Variants in LTBP4 observed in about 807,000 individuals in gnomAD.
LTBP4 encodes latent-transforming growth factor beta-binding protein 4.
LTBP4 carries 93 observed loss-of-function variants against 180.2 expected under a neutral mutation model. The observed-to-expected ratio is 0.52, with a 90% confidence interval of 0.44 to 0.61. The LOEUF (loss-of-function observed/expected upper bound fraction) is 0.61. Among genes scored for constraint, LTBP4 ranks in the 20% least tolerant of loss-of-function variants. The pLI, the probability that LTBP4 is intolerant of heterozygous loss-of-function variation, is 0.00. For missense variants in LTBP4, 2,116 were observed against 2,256.5 expected, an observed-to-expected ratio of 0.94 and a Z score of 1.26; for synonymous variants, 947 against 934.5, an observed-to-expected ratio of 1.01 and a Z score of -0.24.
chr19:40,619,269 G>C lies in LTBP4; in HGVS notation c.3071-78G>C. 3 of 1,441,942 alleles carry C rather than the reference G, an allele frequency of 2.1e-6. No homozygotes were observed. The South Asian group carries it at 3.7e-5, about 18-fold the overall frequency. The allele number at this position is 1,441,942 out of a possible 1,614,324, so 89.3% of individuals were successfully genotyped here. On this transcript the variant is annotated intron_variant, in intron 21 of 29. Coordinates refer to ENST00000396819, the MANE Select transcript of LTBP4 (RefSeq NM_001042545.2). ...TTAAATATACACATTATATTTGAAA[G>C]CTGAGACTTTCGGACCTTTGGAATC...
In LTBP4 at chr19:40,601,425, T is replaced by C. The variant is rs774538710; in HGVS notation, c.38T>C (p.Leu13Ser). 220 of 1,443,724 alleles carry C rather than the reference T, an allele frequency of 1.5e-4. 1 individual carries two copies. Among genetic ancestry groups the C allele is most frequent in the Middle Eastern group, 6.6e-4 (3 of 4,518 alleles). The allele number at this position is 1,443,724 out of a possible 1,614,324, so 89.4% of individuals were successfully genotyped here. ...GGVRLLWVSL[L>S]VLLAQLGPQP... Reference sequence around the variant, plus strand: ...GTGCGGCTGCTCTGGGTGTCGCTATTGGTGCTGCTGGCGCAGCTAGGGCCG... The same window carrying C: ...GTGCGGCTGCTCTGGGTGTCGCTATCGGTGCTGCTGGCGCAGCTAGGGCCG... The change falls in exon 1 of 30, where the codon TTG becomes TCG. Residue 13 changes from leucine to serine, a missense_variant. Leu to Ser is a moderately radical substitution (Grantham distance 145). Around this residue, in one of 5 missense-constraint regions of LTBP4, gnomAD observed 469 missense variants for 532.5 expected, o/e 0.88. Transcript: ENST00000396819.
At chr19:40,602,850 G>T (rs960458497) in intron 1 of LTBP4, among the ~76,000 whole-genome samples, 1 of 152,198 alleles carries the variant, frequency 6.6e-6, no homozygotes, top group Non-Finnish European at 1.5e-5. Flanking sequence ...AGAAGGCAGA[G>T]AAATGCCTCT....
In LTBP4 at chr19:40,605,004, G is replaced by A; in HGVS notation, c.251-31G>A. ...CCAGGAGAACCTGCCAGGAATGGTGGCGCCCCTGAGTGTCCTCGTTCTCCT... is the reference window on the plus strand; with the variant it reads ...CCAGGAGAACCTGCCAGGAATGGTGACGCCCCTGAGTGTCCTCGTTCTCCT... On this transcript the variant is annotated intron_variant, in intron 1 of 29. Coordinates refer to ENST00000396819, the MANE Select transcript of LTBP4 (RefSeq NM_001042545.2). The surrounding 1 kb of genome is among the most constrained non-coding windows in gnomAD (Gnocchi z 5.5). The A allele has an allele frequency of 6.3e-7, 1 of 1,584,162 alleles. No homozygotes were observed. The highest frequency in any genetic ancestry group is 8.6e-7 in the Non-Finnish European group (1 of 1,159,962).
Position 40,605,189 on chromosome 19 carries a change from C to T in LTBP4, c.405C>T (p.Tyr135=), listed in dbSNP as rs199958267. Reference sequence around the variant, plus strand: ...TACCAGGCCTCACCCGCTCCGTGTACACTATGCCACTGGCCAACCACCGCG... The same window carrying T: ...TACCAGGCCTCACCCGCTCCGTGTATACTATGCCACTGGCCAACCACCGCG... ...PAVPGLTRSV[Y]TMPLANHRDD... The change falls in exon 2 of 30, where the codon TAC becomes TAT. Residue 135 remains tyrosine, a synonymous_variant. Coordinates refer to ENST00000396819, the MANE Select transcript of LTBP4 (RefSeq NM_001042545.2). This position sits in a 1 kb window ranked among gnomAD's most constrained non-coding sequence, Gnocchi z 5.5. The T allele has an allele frequency of 1.2e-4, 194 of 1,606,208 alleles. No homozygotes were observed. The highest frequency in any genetic ancestry group is 1.5e-4 in the Non-Finnish European group (181 of 1,176,666).
At position 40,608,121 on chromosome 19, in the gene LTBP4, C is replaced by T. The variant is rs76300071; in HGVS notation, c.1157-99C>T. The stretch of plus-strand genomic sequence containing the variant: ...CTCCAGCTCAAACCCCTGACACTCT[C>T]CAGCCAAGCCCTGCCCCTAGCCAAG... On this transcript the variant is annotated intron_variant, in intron 7 of 29. Coordinates refer to ENST00000396819, the MANE Select transcript of LTBP4 (RefSeq NM_001042545.2). The T allele has an allele frequency of 7.3e-4, 996 of 1,356,224 alleles. 14 individuals are homozygous for T. The East Asian group carries it at 0.021, about 29-fold the overall frequency. 84.0% of individuals were successfully genotyped at this position (1,356,224 alleles called of 1,614,324 possible). A position where few individuals can be genotyped will look rare whatever the true frequency, so the allele number is the denominator to read the frequency against.
intron 21 of LTBP4, 56 bp downstream of exon 21, chr19:40,617,281 C>A: frequency 6.4e-7 from 1 of 1,570,396 alleles, no homozygotes; most frequent in East Asian, 2.3e-5. Context: ...GTTGGTCAGG[C>A]CCTGTCCCTC....
In LTBP4 at chr19:40,622,852, C is replaced by A; in HGVS notation, c.3485-98C>A. On this transcript the variant is annotated intron_variant, in intron 23 of 29. Coordinates refer to ENST00000396819, the MANE Select transcript of LTBP4 (RefSeq NM_001042545.2). This position sits in a 1 kb window ranked among gnomAD's most constrained non-coding sequence, Gnocchi z 5.1. ...AGGCTGAGAGGTGGGCACTAACAGG[C>A]ACAGGGCCAGAGGGACTTTTGTGAC... 7.1e-7 allele frequency: 1 copy of A among 1,417,378 alleles called. No individual in the cohort carries two copies. The highest frequency in any genetic ancestry group is 9.6e-7 in the Non-Finnish European group (1 of 1,036,328). 87.8% of individuals were successfully genotyped at this position (1,417,378 alleles called of 1,614,324 possible).
chr19:40,623,908 G>C, intron 25 of LTBP4, 28 bp from the exon 26 acceptor site: 2 of 1,612,650 alleles, frequency 1.2e-6, no homozygotes. Context: ...GAGTTGAAGG[G>C]GATGCCTCTT....
rs1176975148 is a variant in LTBP4 at position 40,608,194 on chromosome 19, T to C, written c.1157-26T>C. 3 of 1,613,336 alleles carry C rather than the reference T, an allele frequency of 1.9e-6. No homozygotes were observed. The East Asian group carries it at 6.7e-5, about 36-fold the overall frequency. On this transcript the variant is annotated intron_variant, in intron 7 of 29. Coordinates refer to ENST00000396819, the MANE Select transcript of LTBP4 (RefSeq NM_001042545.2). ...GTTTTCTTCCCGCTCTCTTGTCCTC[T>C]CTCTGTCTCTCTTACCTATTCCCAG...
intron 1 of LTBP4, among the ~76,000 whole-genome samples, chr19:40,604,549 T>C (rs566967993): frequency 4.0e-5 from 6 of 151,824 alleles, no homozygotes; most frequent in Non-Finnish European, 2.9e-5. Context: ...GACATGAAAG[T>C]GAATAAACAG....
chr19:40,613,079 A>T lies in LTBP4; in HGVS notation c.2314A>T (p.Ser772Cys). The change falls in exon 16 of 30, where the codon AGT becomes TGT. Residue 772 changes from serine to cysteine, a missense_variant. Physicochemically the swap from Ser to Cys is moderately radical, Grantham distance 112. Coordinates refer to ENST00000396819, the MANE Select transcript of LTBP4 (RefSeq NM_001042545.2). The surrounding 1 kb of genome is among the most constrained non-coding windows in gnomAD (Gnocchi z 5.0). ...ACCCCCCACAGATGTGGACGAATGC[A>T]GTTCGGGTGCCCCTCCCTGTGGTCC... ...RGRCTDVDEC[S>C]SGAPPCGPHG... 2 of 1,611,970 alleles carry T rather than the reference A, an allele frequency of 1.2e-6. No homozygotes were observed. Among genetic ancestry groups the T allele is most frequent in the Non-Finnish European group, 1.7e-6 (2 of 1,179,094 alleles).
At chr19:40,604,416 C>T (rs1337042803) in intron 1 of LTBP4, among the ~76,000 whole-genome samples, 1 of 152,006 alleles carries the variant, frequency 6.6e-6, no homozygotes, top group African/African-American at 2.4e-5. Flanking sequence ...AAGGGATCAG[C>T]ATTGGGTCGG....
chr19:40,627,115 C>T lies in LTBP4; in HGVS notation c.4126C>T (p.Pro1376Ser). 1 of 1,613,954 alleles carries T rather than the reference C, an allele frequency of 6.2e-7. No individual in the cohort carries two copies. The highest frequency in any genetic ancestry group is 8.5e-7 in the Non-Finnish European group (1 of 1,179,876). Residue 1376 changes from proline (P) to serine (S), a missense_variant, in exon 28 of 30, where the codon CCA (proline) becomes TCA (serine). Physicochemically the swap from Pro to Ser is moderately conservative, Grantham distance 74 (BLOSUM62 -1). Coordinates refer to ENST00000396819, the MANE Select transcript of LTBP4 (RefSeq NM_001042545.2). ...CCTCCCATATGGGCCTGAGTTGTACCCACCACCTGCGCTACCCTACGACCC... is the reference window on the plus strand; with the variant it reads ...CCTCCCATATGGGCCTGAGTTGTACTCACCACCTGCGCTACCCTACGACCC... Reference protein sequence around the residue: ...QGLPYGPELYPPPALPYDPYP... With the variant: ...QGLPYGPELYSPPALPYDPYP...
At chr19:40,617,256 A>T (rs777253335) in intron 21 of LTBP4, 31 bp downstream of exon 21, 2 of 1,601,616 alleles carry the variant, frequency 1.2e-6, no homozygotes, top group African/African-American at 2.7e-5. Context: ...GATGGGACCA[A>T]AGGGGGTGGG....
At chr19:40,599,333 C>A (rs77180841), upstream of LTBP4, 11,912 of 1,610,810 alleles carry the variant, frequency 7.4e-3, 67 homozygotes, top group Admixed American at 9.4e-3. Context: ...CCCATCCCTC[C>A]CCTCATCCCA....
chr19:40,599,842 A>C (rs1000194183), upstream of LTBP4: 14 of 543,398 alleles, frequency 2.6e-5, no homozygotes, highest in African/African-American at 7.7e-5. Flanking sequence ...TCTATGTCTA[A>C]GTCTCTCTGC....
chr19:40,607,507 G>A lies in LTBP4; in HGVS notation c.1134G>A (p.Gln378=), dbSNP rs777812912. The A allele has an allele frequency of 6.8e-6, 11 of 1,611,528 alleles. No individual in the cohort carries two copies. The highest frequency in any genetic ancestry group is 6.7e-5 in the African/African-American group (5 of 74,932). The change falls in exon 7 of 30, where the codon CAG becomes CAA. Residue 378 remains glutamine, a synonymous_variant. Transcript: ENST00000396819. ...GCAAGGCCTGGGGCCGGGGCTGCCA[G>A]CTCTGCCCACCCTTCGGCTCAGGTG... ...RVGKAWGRGC[Q]LCPPFGSEGF... is the part of the protein sequence containing the mutation.
At position 40,629,247 on chromosome 19, in the gene LTBP4, G is replaced by T. The variant is rs2081659287; in HGVS notation, c.4520-149G>T. The T allele has an allele frequency of 5.3e-6, 5 of 952,294 alleles. No homozygotes were observed. Among genetic ancestry groups the T allele is most frequent in the Non-Finnish European group, 8.1e-6 (5 of 618,286 alleles). The allele number at this position is 952,294 out of a possible 1,614,324, so 59.0% of individuals were successfully genotyped here. Reference sequence around the variant, plus strand: ...CACAGTGAGGTTAAGCCACCTGGCCGGGCTCACACAGTTAGCAGATGGCAG... The same window carrying T: ...CACAGTGAGGTTAAGCCACCTGGCCTGGCTCACACAGTTAGCAGATGGCAG... On this transcript the variant is annotated intron_variant, in intron 29 of 29. Transcript: ENST00000396819. This position sits in a 1 kb window ranked among gnomAD's most constrained non-coding sequence, Gnocchi z 4.5.
intron 19 of LTBP4, 113 bp from the exon 20 acceptor site, chr19:40,616,776 G>C: frequency 1.6e-6 from 2 of 1,246,054 alleles, no homozygotes; most frequent in Non-Finnish European, 2.2e-6. Flanking sequence ...AGAAGCTCAG[G>C]CTCCTAGAAT....
Sources: gnomAD v4.1 joint callset for allele counts (sites outside exome capture counted in the v4.1 genomes callset) on GRCh38, gnomAD v4.1.1 for gene constraint, gnomAD v4.1.1 regional missense constraint, Gnocchi (gnomAD v3.1) non-coding constraint, MANE v1.5 for transcripts, NCBI Gene and HGNC (gene_info 2026-07-23, HGNC 2026-07-21) for gene names.